MAD1L1: variants seen among roughly 807,000 people sequenced by gnomAD.
MAD1L1 encodes the protein mitotic spindle assembly checkpoint protein MAD1.
In MAD1L1, 95 loss-of-function variants were observed where a neutral mutation model predicts 96.9. The observed-to-expected ratio is 0.98, with a 90% CI of 0.83 to 1.16. The LOEUF is 1.16. Ranked by LOEUF, MAD1L1 falls within the 50% of genes most tolerant of loss-of-function variation. MAD1L1 has a pLI of 0.00. For missense variants in MAD1L1, 1,007 were observed against 954.4 expected (o/e 1.06, Z -0.73); for synonymous variants, 473 against 396.6 (o/e 1.19, Z -2.29).
chr7:2,196,397 G>C lies in MAD1L1; in HGVS notation c.986+16815C>G, dbSNP rs370408395. Among the ~76,000 whole-genome samples the C allele has an allele frequency of 7.7e-4, 118 of 152,258 alleles. 2 individuals are homozygous for C. In the South Asian group the frequency reaches 0.024, roughly 31 times the overall value. Reference sequence around the variant, plus strand: ...AAACGTCTGGCCTTCATTCCCACCAGCGTCATTCATATCCAACAAGGCCGT... The same window carrying C: ...AAACGTCTGGCCTTCATTCCCACCACCGTCATTCATATCCAACAAGGCCGT... On this transcript the variant is annotated intron_variant, in intron 10 of 18. Coordinates refer to ENST00000265854, the MANE Select transcript of MAD1L1 (RefSeq NM_001013836.2).
rs1011542723 is a variant in MAD1L1 at position 1,864,978 on chromosome 7, G to C, written c.1998+33222C>G. Among the ~76,000 whole-genome samples the C allele has an allele frequency of 1.4e-4, 21 of 152,274 alleles. No individual in the cohort carries two copies. The East Asian group carries it at 3.7e-3, about 27-fold the overall frequency. On this transcript the variant is annotated intron_variant, in intron 18 of 18. Transcript: ENST00000265854. ...AAACCACGCAGTCTCAGGAGCTCTAGTATAGCCACACTGAAGCACTGAGAC... is the reference window on the plus strand; with the variant it reads ...AAACCACGCAGTCTCAGGAGCTCTACTATAGCCACACTGAAGCACTGAGAC...
At position 2,023,534 on chromosome 7, in the gene MAD1L1, TAGA is replaced by T. The variant is rs778272142; in HGVS notation, c.1219-8895_1219-8893del. On this transcript the variant is annotated intron_variant, in intron 12 of 18. Coordinates refer to ENST00000265854, the MANE Select transcript of MAD1L1 (RefSeq NM_001013836.2). ...TGTAGGATGAAACAAAAGCCATGCTTAGAGGAAAATTTATAGCATTGAATGTAA... is the reference window on the plus strand; with the variant it reads ...TGTAGGATGAAACAAAAGCCATGCTTGGAAAATTTATAGCATTGAATGTAA... 8.9e-4 allele frequency among the ~76,000 whole-genome samples: 136 copies of T among 152,270 alleles called. 2 individuals are homozygous for T. Among genetic ancestry groups the T allele is most frequent in the Non-Finnish European group, 5.9e-4 (40 of 68,018 alleles).
At chr7:1,915,221 T>C (rs1788300163) in intron 17 of MAD1L1, among the ~76,000 whole-genome samples, 1 of 152,180 alleles carries the variant, frequency 6.6e-6, no homozygotes, top group Admixed American at 6.5e-5. Flanking sequence ...GGATGTTGCT[T>C]TTCAACTAGG....
At chr7:2,155,380 T>C (rs775552819) in intron 10 of MAD1L1, among the ~76,000 whole-genome samples, 1 of 152,188 alleles carries the variant, frequency 6.6e-6, no homozygotes. Context: ...GTTGAGCATA[T>C]TCATGTTATT....
intron 18 of MAD1L1, among the ~76,000 whole-genome samples, chr7:1,822,442 A>ATATATATATTTT (rs768089526): frequency 6.4e-5 from 9 of 140,590 alleles, no homozygotes; most frequent in South Asian, 4.5e-4. Flanking sequence ...ATATATATAT[A>ATATATATATTTT]TTTTTTTTTT....
chr7:1,874,736 G>A (rs557153002), intron 18 of MAD1L1, among the ~76,000 whole-genome samples: 5 of 152,008 alleles, frequency 3.3e-5, no homozygotes, highest in African/African-American at 9.7e-5. Context: ...AGGCCCTCCC[G>A]CCTGGGCACT....
intron 18 of MAD1L1, among the ~76,000 whole-genome samples, chr7:1,862,281 G>A (rs1243199820): frequency 6.6e-6 from 1 of 152,238 alleles, no homozygotes; most frequent in Non-Finnish European, 1.5e-5. Flanking sequence ...CCCCAGCTGT[G>A]AGGACTGAAA....
chr7:1,877,957 A>G lies in MAD1L1; in HGVS notation c.1998+20243T>C, dbSNP rs1431019052. 1.3e-4 allele frequency among the ~76,000 whole-genome samples: 20 copies of G among 152,226 alleles called. 1 individual carries two copies. The highest frequency in any genetic ancestry group is 1.3e-3 in the Admixed American group (20 of 15,284). On this transcript the variant is annotated intron_variant, in intron 18 of 18. Transcript: ENST00000265854. Reference sequence around the variant, plus strand: ...ATAAAACTTAGAGTGATGACGAAAAAAGAGATGATATGTATTGCCAAAATC... The same window carrying G: ...ATAAAACTTAGAGTGATGACGAAAAGAGAGATGATATGTATTGCCAAAATC...
chr7:2,016,951 G>A (rs951592020), intron 12 of MAD1L1, among the ~76,000 whole-genome samples: 1 of 152,280 alleles, frequency 6.6e-6, no homozygotes, highest in African/African-American at 2.4e-5. Context: ...CGCCGCGCAA[G>A]GCCGGGGCGG....
At chr7:1,965,652 A>G (rs1194879342) in intron 15 of MAD1L1, among the ~76,000 whole-genome samples, 2 of 152,236 alleles carry the variant, frequency 1.3e-5, no homozygotes, top group African/African-American at 4.8e-5. Context: ...TGCTCTTCGC[A>G]CACTACCACG....
At chr7:2,161,259 G>C (rs1251694314) in intron 10 of MAD1L1, among the ~76,000 whole-genome samples, 1 of 151,616 alleles carries the variant, frequency 6.6e-6, no homozygotes, top group South Asian at 2.1e-4. Flanking sequence ...GGCGCGCGCC[G>C]CCAAGCCTGA....
intron 14 of MAD1L1, among the ~76,000 whole-genome samples, chr7:1,982,949 G>A (rs577308596): frequency 6.6e-6 from 1 of 152,236 alleles, no homozygotes; most frequent in African/African-American, 2.4e-5. Context: ...CATGAAGAGG[G>A]TATTCTATAA....
chr7:2,218,883 A>T (rs1186418524), intron 6 of MAD1L1, among the ~76,000 whole-genome samples: 1 of 151,662 alleles, frequency 6.6e-6, no homozygotes, highest in South Asian at 2.1e-4. Flanking sequence ...TGGGTGACAC[A>T]GCGAGACTCA....
intron 11 of MAD1L1, among the ~76,000 whole-genome samples, chr7:2,112,954 A>T (rs1473275172): frequency 1.3e-5 from 2 of 152,212 alleles, no homozygotes; most frequent in Non-Finnish European, 2.9e-5. Flanking sequence ...AGGCTGAAAT[A>T]CCGTGAATGA....
chr7:1,859,863 G>A (rs1356508354), intron 18 of MAD1L1, among the ~76,000 whole-genome samples: 1 of 150,184 alleles, frequency 6.7e-6, no homozygotes, highest in East Asian at 2.0e-4. Context: ...GGCGGCCTCT[G>A]TCTCCCTAGA....
chr7:2,172,869 C>A (rs949993996), intron 10 of MAD1L1, among the ~76,000 whole-genome samples: 1 of 152,226 alleles, frequency 6.6e-6, no homozygotes, highest in South Asian at 2.1e-4. Flanking sequence ...GCTGCCCCAT[C>A]AGATGGCTCC....
In MAD1L1 at chr7:2,014,715, G is replaced by C. The variant is rs1782457586; in HGVS notation, c.1219-73C>G. The C allele has an allele frequency of 6.1e-6, 9 of 1,484,336 alleles. No individual in the cohort carries two copies. In the Admixed American group the frequency reaches 1.6e-4, roughly 27 times the overall value. 91.9% of individuals were successfully genotyped at this position (1,484,336 alleles called of 1,614,324 possible). A position where few individuals can be genotyped will look rare whatever the true frequency, so the allele number is the denominator to read the frequency against. On this transcript the variant is annotated intron_variant, in intron 12 of 18. Coordinates refer to ENST00000265854, the MANE Select transcript of MAD1L1 (RefSeq NM_001013836.2). The stretch of plus-strand genomic sequence containing the variant: ...GTAATGATGGAGACGGCTCAGGGAA[G>C]GCCCCACGAGAGCTGGGTCACGCGG...
intron 3 of MAD1L1, among the ~76,000 whole-genome samples, chr7:2,226,811 G>A (rs924409572): frequency 6.6e-6 from 1 of 152,062 alleles, no homozygotes; most frequent in African/African-American, 2.4e-5. Flanking sequence ...CCAACATGGG[G>A]AAACCCCGTC....
chr7:1,928,131 C>A (rs1268712051), intron 17 of MAD1L1, among the ~76,000 whole-genome samples: 3 of 151,948 alleles, frequency 2.0e-5, no homozygotes, highest in Admixed American at 6.6e-5. Context: ...TCCCCACGAC[C>A]CGCCGGTCCC....
Sources: allele counts gnomAD v4.1 joint callset (sites outside exome capture counted in the v4.1 genomes callset), GRCh38; gene constraint gnomAD v4.1.1; transcripts MANE v1.5; gene names NCBI Gene and HGNC (gene_info 2026-07-23, HGNC 2026-07-21).